AATK: variants seen among roughly 807,000 people sequenced by gnomAD.
The protein encoded by AATK is serine/threonine-protein kinase LMTK1.
In AATK, 91 loss-of-function variants were observed where a neutral mutation model predicts 114.3. The observed-to-expected ratio is 0.80, with a 90% CI of 0.67 to 0.95. The LOEUF (loss-of-function observed/expected upper bound fraction) is 0.95. Among genes scored for constraint, AATK ranks in the 40% least tolerant of loss-of-function variants. The pLI is 0.00. For missense variants in AATK, 2,176 were observed against 1,965.2 expected, an observed-to-expected ratio of 1.11 and a Z score of -2.03; for synonymous variants, 1,075 against 916.5, an observed-to-expected ratio of 1.17 and a Z score of -3.12.
At chr17:81,165,752 G>A in intron 1 of AATK, 186 bp downstream of exon 1, 1 of 1,524,290 alleles carries the variant, frequency 6.6e-7, no homozygotes, top group Non-Finnish European at 8.8e-7. Context: ...AGGCCGGTTT[G>A]TGCTGGGGCC....
intron 1 of AATK, among the ~76,000 whole-genome samples, chr17:81,144,063 C>T (rs1355274113): frequency 6.6e-6 from 1 of 152,206 alleles, no homozygotes; most frequent in Non-Finnish European, 1.5e-5. Flanking sequence ...GCTCTCTGCC[C>T]CCACCCCTGT....
intron 3 of AATK, among the ~76,000 whole-genome samples, 194 bp downstream of exon 3, chr17:81,130,867 T>C (rs1325193961): frequency 2.0e-5 from 3 of 152,290 alleles, no homozygotes; most frequent in Admixed American, 6.5e-5. Context: ...ACATGCACCT[T>C]TGGCCCCACA....
intron 1 of AATK, among the ~76,000 whole-genome samples, chr17:81,144,453 C>G (rs4969258): frequency 3.3e-5 from 5 of 152,002 alleles, no homozygotes; most frequent in Non-Finnish European, 7.4e-5. Flanking sequence ...TGTGGGTGGC[C>G]GAGAGGACAC....
chr17:81,119,761 G>T (rs941132318), intron 12 of AATK, among the ~76,000 whole-genome samples, 175 bp downstream of exon 12: 17 of 149,878 alleles, frequency 1.1e-4, no homozygotes, highest in Non-Finnish European at 3.0e-5. Context: ...CCCGCCTTCC[G>T]TGACGTCACG....
rs141817563 is a variant in AATK at position 81,126,321 on chromosome 17, G to A, written c.755+106C>T. On this transcript the variant is annotated intron_variant, in intron 7 of 13. Coordinates refer to ENST00000326724, the MANE Select transcript of AATK (RefSeq NM_001080395.3). The surrounding 1 kb of genome is among the most constrained non-coding windows in gnomAD (Gnocchi z 5.1). ...GTCTGATGCTGCATGAGATGAACCT[G>A]GCCGGTCCTCGCAAGCCCCCTGAGG... The A allele has an allele frequency of 3.4e-3, 4,609 of 1,368,434 alleles. 25 individuals are homozygous for A. The highest frequency in any genetic ancestry group is 3.9e-3 in the Non-Finnish European group (4,029 of 1,024,494). The allele number at this position is 1,368,434 out of a possible 1,614,324, so 84.8% of individuals were successfully genotyped here.
chr17:81,157,890 G>A (rs1209600073), intron 1 of AATK, among the ~76,000 whole-genome samples: 4 of 152,320 alleles, frequency 2.6e-5, no homozygotes, highest in East Asian at 3.9e-4. Flanking sequence ...CTTGGCCCTC[G>A]GTCCCGCTCT....
chr17:81,159,648 G>C (rs2061407151), intron 1 of AATK, among the ~76,000 whole-genome samples: 1 of 152,142 alleles, frequency 6.6e-6, no homozygotes, highest in Admixed American at 6.5e-5. Flanking sequence ...AGAATTCCCA[G>C]AAGCAGAGCA....
rs900649937 is a variant in AATK, at chr17:81,127,862, C to A, written c.463G>T (p.Val155Leu). The change falls in exon 5 of 14, where the codon GTG (valine) becomes TTG (leucine). Residue 155 changes from valine (V) to leucine (L), a missense_variant. Around this residue, in one of 4 missense-constraint regions of AATK, gnomAD observed 24 missense variants for 50.9 expected, o/e 0.47. Transcript: ENST00000326724. ...NSGISSAQVV[V>L]KELQASASVQ... ...CTGGCACTAGCCTGCAGCTCCTTCA[C>A]CACCACCTGGGCACTGCTGATGCCA... 1.0e-5 allele frequency: 16 copies of A among 1,549,218 alleles called. No homozygotes were observed. Among genetic ancestry groups the A allele is most frequent in the Non-Finnish European group, 1.2e-5 (14 of 1,146,870 alleles).
At chr17:81,157,126 A>G (rs1256001340) in intron 1 of AATK, among the ~76,000 whole-genome samples, 1 of 152,202 alleles carries the variant, frequency 6.6e-6, no homozygotes, top group East Asian at 1.9e-4. Context: ...AGGTGAGGAC[A>G]GGGCAGGGGC....
chr17:81,132,473 G>T (rs2060948294), intron 2 of AATK, among the ~76,000 whole-genome samples: 1 of 152,218 alleles, frequency 6.6e-6, no homozygotes, highest in Admixed American at 6.5e-5. Flanking sequence ...ACTCAGGGAT[G>T]GGGGACGCAG....
intron 13 of AATK, among the ~76,000 whole-genome samples, chr17:81,118,971 G>A (rs1392722864): frequency 3.3e-5 from 5 of 152,204 alleles, no homozygotes; most frequent in Non-Finnish European, 5.9e-5. Flanking sequence ...GCCGGGAGCG[G>A]TGGCTCAGGC....
rs189069244 is a variant in AATK at position 81,138,570 on chromosome 17, A to C, written c.56-4069T>G. 4.8e-3 allele frequency among the ~76,000 whole-genome samples: 698 copies of C among 146,678 alleles called. 1 individual carries two copies. Among genetic ancestry groups the C allele is most frequent in the Non-Finnish European group, 6.9e-3 (459 of 66,736 alleles). On this transcript the variant is annotated intron_variant, in intron 1 of 13. Coordinates refer to ENST00000326724, the MANE Select transcript of AATK (RefSeq NM_001080395.3). Reference sequence around the variant, plus strand: ...TGCACACACGTGCACACATACCCCCACACGCACATACCCACACACGTGCAC... The same window carrying C: ...TGCACACACGTGCACACATACCCCCCCACGCACATACCCACACACGTGCAC...
intron 3 of AATK, among the ~76,000 whole-genome samples, chr17:81,129,450 G>A (rs1315956851): frequency 1.3e-5 from 2 of 152,196 alleles, no homozygotes; most frequent in Non-Finnish European, 2.9e-5. Flanking sequence ...ACTGCCGGAG[G>A]CAGCAGGCAG....
chr17:81,126,644 C>T lies in AATK; in HGVS notation c.622-84G>A, dbSNP rs576753803. 4.7e-5 allele frequency: 70 copies of T among 1,478,046 alleles called. No homozygotes were observed. The East Asian group carries it at 1.6e-3, about 34-fold the overall frequency. 91.6% of individuals were successfully genotyped at this position (1,478,046 alleles called of 1,614,324 possible). On this transcript the variant is annotated intron_variant, in intron 6 of 13. Transcript: ENST00000326724. The surrounding 1 kb of genome is among the most constrained non-coding windows in gnomAD (Gnocchi z 5.1). ...GTCCCCACCTACCTCCCCAACTCCT[C>T]CACCCCTACCCACAGCTGAGGGACA...
chr17:81,120,592 G>C lies in AATK; in HGVS notation c.3344C>G (p.Ser1115Cys). 6.5e-7 allele frequency: 1 copy of C among 1,545,654 alleles called. No homozygotes were observed. Among genetic ancestry groups the C allele is most frequent in the East Asian group, 2.3e-5 (1 of 42,652 alleles). Residue 1115 changes from serine to cysteine, a missense_variant, in exon 11 of 14, where the codon TCT (serine) becomes TGT (cysteine). Ser to Cys is a moderately radical substitution (Grantham distance 112). Coordinates refer to ENST00000326724, the MANE Select transcript of AATK (RefSeq NM_001080395.3). Reference sequence around the variant, plus strand: ...CAGTCCTGGGGGCCCCTGGAACTCAGAGCTGTTGCCTTCTGATCTCAGCGG... The same window carrying C: ...CAGTCCTGGGGGCCCCTGGAACTCACAGCTGTTGCCTTCTGATCTCAGCGG... ...PVPLRSEGNSSEFQGPPGLLS... is the reference protein window; with the variant it reads ...PVPLRSEGNSCEFQGPPGLLS...
At position 81,140,845 on chromosome 17, in the gene AATK, AGCCGTGGGGCTG is replaced by A. The variant is rs1459250994; in HGVS notation, c.56-6356_56-6345del. Among the ~76,000 whole-genome samples the A allele has an allele frequency of 2.1e-3, 82 of 39,546 alleles. 5 individuals are homozygous for A. Among genetic ancestry groups the A allele is most frequent in the African/African-American group, 8.9e-3 (76 of 8,496 alleles). The allele number at this position is 39,546 out of a possible 152,430, so 25.9% of individuals were successfully genotyped here. A position where few individuals can be genotyped will look rare whatever the true frequency, so the allele number is the denominator to read the frequency against. On this transcript the variant is annotated intron_variant, in intron 1 of 13. Transcript: ENST00000326724. ...GGGGCCGGGAGACCGTGGGGCCGTG[AGCCGTGGGGCTG>A]TGGGGCCGTGAGCCGTGGGGCCGTG...
At chr17:81,152,688 C>T (rs2061313487) in intron 1 of AATK, among the ~76,000 whole-genome samples, 1 of 152,172 alleles carries the variant, frequency 6.6e-6, no homozygotes, top group Admixed American at 6.5e-5. Flanking sequence ...AATACTCCTT[C>T]CTGTTACAAA....
rs780289093 is a variant in AATK at position 81,120,336 on chromosome 17, CT to C, written c.3599del (p.Glu1200GlyfsTer107). ...EAPAVPVVVAESQSARNLRSL... is the reference protein window; with the variant it reads ...EAPAVPVVVAXSQSARNLRSL... ...TGCGCAGGTTGCGCGCGCTCTGGCT[CT>C]CAGCCACCACCACGGGCACCGCCGG... On this transcript the variant is annotated frameshift_variant, in exon 11 of 14. Coordinates refer to ENST00000326724, the MANE Select transcript of AATK (RefSeq NM_001080395.3). LOFTEE classifies it high-confidence loss of function. 6.2e-7 allele frequency: 1 copy of C among 1,610,584 alleles called. No homozygotes were observed. Among genetic ancestry groups the C allele is most frequent in the Non-Finnish European group, 8.5e-7 (1 of 1,179,272 alleles).
intron 9 of AATK, among the ~76,000 whole-genome samples, chr17:81,124,126 TC>T (rs1460403486): frequency 6.6e-6 from 1 of 151,656 alleles, no homozygotes; most frequent in East Asian, 2.0e-4. Context: ...ATCTGAGAGT[TC>T]CCCAGAAGCA....
Sources: allele counts gnomAD v4.1 joint callset (sites outside exome capture counted in the v4.1 genomes callset), GRCh38; gene constraint gnomAD v4.1.1; regional missense constraint gnomAD v4.1.1; non-coding constraint Gnocchi (gnomAD v3.1); transcripts MANE v1.5; gene names NCBI Gene and HGNC (gene_info 2026-07-23, HGNC 2026-07-21).